The following FBXO41 variants were observed in gnomAD, a reference collection of about 807,000 sequenced individuals.
FBXO41 encodes the protein F-box protein 41.
In FBXO41, 33 loss-of-function variants were observed where a neutral mutation model predicts 81.6. The observed-to-expected ratio is 0.40, with a 90% CI of 0.31 to 0.54. The LOEUF (loss-of-function observed/expected upper bound fraction) is 0.54, where lower values mean the gene tolerates loss of function less well. Among genes scored for constraint, FBXO41 ranks in the 20% least tolerant of loss-of-function variants. The pLI is 0.39. For synonymous variants in FBXO41, 576 were observed against 552.7 expected, an observed-to-expected ratio of 1.04 and a Z score of -0.59; for missense variants, 1,107 against 1,236.0, an observed-to-expected ratio of 0.90 and a Z score of 1.56.
At position 73,260,316 on chromosome 2, in the gene FBXO41, G is replaced by T; in HGVS notation, c.2449+73C>A. On this transcript the variant is annotated intron_variant, in intron 11 of 12. Transcript: ENST00000520530. The surrounding 1 kb of genome is among the most constrained non-coding windows in gnomAD (Gnocchi z 5.0). ...CTCTGATCCATCTGCCCCAGTGATA[G>T]TTAGGATACCTGCTGACAGGGCCCC... The T allele has an allele frequency of 6.5e-7, 1 of 1,533,626 alleles. No individual in the cohort carries two copies. Among genetic ancestry groups the T allele is most frequent in the Non-Finnish European group, 8.8e-7 (1 of 1,132,572 alleles).
In FBXO41 at chr2:73,260,261, T is replaced by C; in HGVS notation, c.2449+128A>G. On this transcript the variant is annotated intron_variant, in intron 11 of 12. Coordinates refer to ENST00000520530, the MANE Select transcript of FBXO41 (RefSeq NM_001371389.2). The surrounding 1 kb of genome is among the most constrained non-coding windows in gnomAD (Gnocchi z 5.0). The stretch of plus-strand genomic sequence containing the variant: ...GGCTCTAGAACCAGTGCTCTTAACC[T>C]GTCCCCCTGCCTCTGCCCTTGGCTG... 1.6e-6 allele frequency: 2 copies of C among 1,279,722 alleles called. No homozygotes were observed. The highest frequency in any genetic ancestry group is 2.9e-5 in the South Asian group (2 of 68,710). 79.3% of individuals were successfully genotyped at this position (1,279,722 alleles called of 1,614,324 possible). A position where few individuals can be genotyped will look rare whatever the true frequency, so the allele number is the denominator to read the frequency against.
At position 73,265,432 on chromosome 2, in the gene FBXO41, G is replaced by C; in HGVS notation, c.1414C>G (p.Arg472Gly). Residue 472 changes from arginine (R) to glycine (G), a missense_variant, in exon 5 of 13, where the codon CGC (arginine) becomes GGC (glycine). Arg to Gly is a moderately radical substitution (Grantham distance 125). Around this residue, in one of 2 missense-constraint regions of FBXO41, gnomAD observed 771 missense variants for 789.2 expected, o/e 0.98. Transcript: ENST00000520530. ...LRRQAIQNWQ[R>G]RPRRHSTEGE... ...TCAGTGCTGTGTCGGCGGGGTCTGC[G>C]CTGCCAGTTCTGGATGGCCTGGCGC... The C allele has an allele frequency of 6.2e-7, 1 of 1,607,676 alleles. No homozygotes were observed.
At chr2:73,277,304 G>A (rs762399290) in intron 1 of FBXO41, among the ~76,000 whole-genome samples, 6 of 152,186 alleles carry the variant, frequency 3.9e-5, no homozygotes, top group Non-Finnish European at 5.9e-5. Flanking sequence ...CCTCCTAAGC[G>A]TGAGCCTGAA....
chr2:73,280,955 G>A (rs926449043), intron 1 of FBXO41, among the ~76,000 whole-genome samples: 1 of 152,232 alleles, frequency 6.6e-6, no homozygotes, highest in Admixed American at 6.5e-5. Context: ...GGAACTGGAT[G>A]AACTGGTTAC....
rs1688294764 is a variant in FBXO41, at chr2:73,266,735, C to A, written c.906-53G>T. The A allele has an allele frequency of 1.3e-6, 2 of 1,490,124 alleles. No homozygotes were observed. The highest frequency in any genetic ancestry group is 1.3e-5 in the South Asian group (1 of 74,434). The allele number at this position is 1,490,124 out of a possible 1,614,324, so 92.3% of individuals were successfully genotyped here. A position where few individuals can be genotyped will look rare whatever the true frequency, so the allele number is the denominator to read the frequency against. On this transcript the variant is annotated intron_variant, in intron 2 of 12. Transcript: ENST00000520530. This position sits in a 1 kb window ranked among gnomAD's most constrained non-coding sequence, Gnocchi z 5.3. ...GAGCCTCAGCCTGCCTGCCCACCCACCCTCTGGAGGAGAGCCTGGCCAGTG... is the reference window on the plus strand; with the variant it reads ...GAGCCTCAGCCTGCCTGCCCACCCAACCTCTGGAGGAGAGCCTGGCCAGTG...
intron 1 of FBXO41, among the ~76,000 whole-genome samples, chr2:73,276,936 G>C (rs1688713050): frequency 6.6e-6 from 1 of 152,222 alleles, no homozygotes; most frequent in South Asian, 2.1e-4. Flanking sequence ...CCTGGTGTCA[G>C]GGTATCTGTG....
chr2:73,259,888 T>C lies in FBXO41; in HGVS notation c.2449+501A>G, dbSNP rs890588323. ...GCACCTTGGCGCAGTTGGCATGGGGTCCTCTCAGGAGCCAAAGGGTCCTGG... is the reference window on the plus strand; with the variant it reads ...GCACCTTGGCGCAGTTGGCATGGGGCCCTCTCAGGAGCCAAAGGGTCCTGG... On this transcript the variant is annotated intron_variant, in intron 11 of 12. Coordinates refer to ENST00000520530, the MANE Select transcript of FBXO41 (RefSeq NM_001371389.2). This position sits in a 1 kb window ranked among gnomAD's most constrained non-coding sequence, Gnocchi z 4.2. Among the ~76,000 whole-genome samples the C allele has an allele frequency of 2.6e-5, 4 of 151,948 alleles. No individual in the cohort carries two copies. Among genetic ancestry groups the C allele is most frequent in the Non-Finnish European group, 4.4e-5 (3 of 67,980 alleles).
Position 73,269,145 on chromosome 2 carries a change from G to A in FBXO41, c.486C>T (p.Ser162=). ...IPLGELFARK[S]VASSACSTPP... ...GCGTCGAGCACGCCGAGGACGCCAC[G>A]GACTTGCGGGCGAACAGCTCCCCCA... is the stretch of plus-strand genomic sequence containing the variant. The change falls in exon 2 of 13, where the codon TCC becomes TCT. Residue 162 remains serine, a synonymous_variant. Transcript: ENST00000520530. The surrounding 1 kb of genome is among the most constrained non-coding windows in gnomAD (Gnocchi z 7.0). 6.6e-7 allele frequency: 1 copy of A among 1,522,072 alleles called. No individual in the cohort carries two copies. The highest frequency in any genetic ancestry group is 8.8e-7 in the Non-Finnish European group (1 of 1,140,850). 94.3% of individuals were successfully genotyped at this position (1,522,072 alleles called of 1,614,324 possible).
At chr2:73,264,965 G>A (rs1003037823) in intron 5 of FBXO41, among the ~76,000 whole-genome samples, 1 of 152,020 alleles carries the variant, frequency 6.6e-6, no homozygotes, top group South Asian at 2.1e-4. Flanking sequence ...CTGTGAATAC[G>A]GTGGGGGGCC....
At chr2:73,283,562 C>T (rs1267102927) in intron 1 of FBXO41, among the ~76,000 whole-genome samples, 1 of 152,190 alleles carries the variant, frequency 6.6e-6, no homozygotes, top group Non-Finnish European at 1.5e-5. Context: ...GGGCAGTGCA[C>T]ACAGGCCCCG....
intron 1 of FBXO41, among the ~76,000 whole-genome samples, chr2:73,275,740 T>C (rs1223786632): frequency 6.6e-6 from 1 of 152,162 alleles, no homozygotes; most frequent in Non-Finnish European, 1.5e-5. Flanking sequence ...ATCCTAAATA[T>C]CATATTATTT....
At chr2:73,267,950 G>A (rs763679709) in intron 2 of FBXO41, among the ~76,000 whole-genome samples, 7 of 152,032 alleles carry the variant, frequency 4.6e-5, no homozygotes, top group South Asian at 2.1e-4. Context: ...TTGTAGCATC[G>A]GAAAATCAAA....
At position 73,264,345 on chromosome 2, in the gene FBXO41, C is replaced by T. The variant is rs572663604; in HGVS notation, c.1739G>A (p.Arg580His). The T allele has an allele frequency of 1.3e-4, 203 of 1,613,682 alleles. No individual in the cohort carries two copies. Among genetic ancestry groups the T allele is most frequent in the East Asian group, 7.1e-4 (32 of 44,880 alleles). ...LHAAEVCRDW[R>H]FVARHPAVWT... ...GACTGCGGGGTGGCGGGCCACGAAG[C>T]GCCAGTCCCGGCAGACCTCGGCAGC... The change falls in exon 6 of 13, where the codon CGC becomes CAC. Residue 580 changes from arginine to histidine, a missense_variant. Transcript: ENST00000520530.
At chr2:73,277,911 A>G (rs1688742231) in intron 1 of FBXO41, among the ~76,000 whole-genome samples, 2 of 152,156 alleles carry the variant, frequency 1.3e-5, no homozygotes, top group Admixed American at 6.5e-5. Flanking sequence ...TCCTTTCTTT[A>G]GTGAGCTGCC....
intron 2 of FBXO41, among the ~76,000 whole-genome samples, chr2:73,267,071 AAC>A (rs1222949947): frequency 6.6e-6 from 1 of 152,162 alleles, no homozygotes; most frequent in Non-Finnish European, 1.5e-5. Flanking sequence ...CTCATACAGA[AAC>A]ACAGACATGT....
At position 73,269,636 on chromosome 2, in the gene FBXO41, CG is replaced by C; in HGVS notation, c.-7del. On this transcript the variant is annotated 5_prime_UTR_variant, in exon 2 of 13. Transcript: ENST00000520530. The surrounding 1 kb of genome is among the most constrained non-coding windows in gnomAD (Gnocchi z 7.0). ...GGCAGGTCCAGCGAGGCCATGGCCCCGCCGCCCCCGCGGCACGCGGGCTCCA... is the reference window on the plus strand; with the variant it reads ...GGCAGGTCCAGCGAGGCCATGGCCCCCCGCCCCCGCGGCACGCGGGCTCCA... The C allele has an allele frequency of 8.4e-7, 1 of 1,194,008 alleles. No individual in the cohort carries two copies. Among genetic ancestry groups the C allele is most frequent in the South Asian group, 3.0e-5 (1 of 33,884 alleles). 74.0% of individuals were successfully genotyped at this position (1,194,008 alleles called of 1,614,324 possible).
At position 73,256,890 on chromosome 2, in the gene FBXO41, G is replaced by A. The variant is rs1451923060; in HGVS notation, c.*2092C>T. 6.5e-6 allele frequency: 1 copy of A among 152,874 alleles called. No homozygotes were observed. The highest frequency in any genetic ancestry group is 1.5e-5 in the Non-Finnish European group (1 of 68,252). 9.5% of individuals were successfully genotyped at this position (152,874 alleles called of 1,614,324 possible). A position where few individuals can be genotyped will look rare whatever the true frequency, so the allele number is the denominator to read the frequency against. On this transcript the variant is annotated 3_prime_UTR_variant, in exon 13 of 13. Coordinates refer to ENST00000520530, the MANE Select transcript of FBXO41 (RefSeq NM_001371389.2). Reference sequence around the variant, plus strand: ...AGAGCCTTGTATTCAGGGATGGAAGGTCCCTGGGGCAGAGAAAATCCTTCA... The same window carrying A: ...AGAGCCTTGTATTCAGGGATGGAAGATCCCTGGGGCAGAGAAAATCCTTCA...
At chr2:73,273,053 T>G (rs1414141669) in intron 1 of FBXO41, 2 of 152,208 alleles carry the variant, frequency 1.3e-5, no homozygotes, top group African/African-American at 4.8e-5. Flanking sequence ...CAGGTTTTTT[T>G]CCTCACCCCC....
rs1430784681 is a variant in FBXO41 at position 73,284,261 on chromosome 2, G to C, written c.-240C>G. 1 of 152,098 alleles carries C rather than the reference G, an allele frequency of 6.6e-6. No individual in the cohort carries two copies. Among genetic ancestry groups the C allele is most frequent in the African/African-American group, 2.4e-5 (1 of 41,428 alleles). 9.4% of individuals were successfully genotyped at this position (152,098 alleles called of 1,614,324 possible). A position where few individuals can be genotyped will look rare whatever the true frequency, so the allele number is the denominator to read the frequency against. ...AGACGCAGGGCCGCCTTGGGGCCTC[G>C]GATCTCGTTCCCCTCCGCAGCCTTG... On this transcript the variant is annotated 5_prime_UTR_variant, in exon 1 of 13. Transcript: ENST00000520530. The surrounding 1 kb of genome is among the most constrained non-coding windows in gnomAD (Gnocchi z 7.4).
Sources: allele counts gnomAD v4.1 joint callset (sites outside exome capture counted in the v4.1 genomes callset), GRCh38; gene constraint gnomAD v4.1.1; regional missense constraint gnomAD v4.1.1; non-coding constraint Gnocchi (gnomAD v3.1); transcripts MANE v1.5; gene names NCBI Gene and HGNC (gene_info 2026-07-23, HGNC 2026-07-21).